PAM: variants seen among roughly 807,000 people sequenced by gnomAD.
PAM encodes peptidyl-glycine alpha-amidating monooxygenase.
A neutral mutation model predicts 122.1 loss-of-function variants in PAM; 72 were observed. The observed-to-expected ratio is 0.59, with a 90% confidence interval of 0.49 to 0.72. The LOEUF (loss-of-function observed/expected upper bound fraction) is 0.72. Ranked by LOEUF, PAM falls within the 30% of genes least tolerant of loss-of-function variation. PAM has a pLI of 0.00. For synonymous variants in PAM, 389 were observed against 404.4 expected, an observed-to-expected ratio of 0.96 and a Z score of 0.46; for missense variants, 1,106 against 1,183.7, an observed-to-expected ratio of 0.93 and a Z score of 0.96.
At chr5:102,759,208 T>C (rs1751596508) in intron 1 of PAM, among the ~76,000 whole-genome samples, 1 of 152,284 alleles carries the variant, frequency 6.6e-6, no homozygotes, top group African/African-American at 2.4e-5. Flanking sequence ...GGGTCCTGGG[T>C]AGGTGAATGT....
At chr5:102,909,545 G>A (rs1331738874) in intron 4 of PAM, among the ~76,000 whole-genome samples, 1 of 151,704 alleles carries the variant, frequency 6.6e-6, no homozygotes. Flanking sequence ...CAGAATTACT[G>A]GTAATTCGCC....
At chr5:102,895,391 C>T (rs530240348) in intron 3 of PAM, among the ~76,000 whole-genome samples, 6 of 151,784 alleles carry the variant, frequency 4.0e-5, no homozygotes, top group South Asian at 2.1e-4. Context: ...TACTTTTGCT[C>T]ACAGTTTTGT....
chr5:102,866,147 C>G lies in PAM; in HGVS notation c.-49C>G, dbSNP rs374916122. On this transcript the variant is annotated 5_prime_UTR_variant, in exon 2 of 26. Coordinates refer to ENST00000438793, the MANE Select transcript of PAM (RefSeq NM_001177306.2). ...GCTGCCCAACCGCCAGCCCCAGCCC[C>G]GCGCTGCGCTGCCCGGTCCTCTCCC... is the stretch of plus-strand genomic sequence containing the variant. The G allele has an allele frequency of 6.4e-4, 873 of 1,360,656 alleles. 1 individual carries two copies. The highest frequency in any genetic ancestry group is 7.2e-4 in the Non-Finnish European group (688 of 958,352). The allele number at this position is 1,360,656 out of a possible 1,614,324, so 84.3% of individuals were successfully genotyped here.
intron 4 of PAM, among the ~76,000 whole-genome samples, chr5:102,908,881 G>A (rs1800517265): frequency 6.6e-6 from 1 of 151,618 alleles, no homozygotes; most frequent in Admixed American, 6.6e-5. Context: ...TTAGCATGCT[G>A]GAAAATAGAC....
chr5:102,998,850 A>C (rs1207826311), intron 16 of PAM, among the ~76,000 whole-genome samples: 2 of 152,190 alleles, frequency 1.3e-5, no homozygotes, highest in Non-Finnish European at 2.9e-5. Context: ...AATGTTTCTG[A>C]ATAATGAGGA....
At chr5:102,812,591 G>A (rs991256868) in intron 1 of PAM, among the ~76,000 whole-genome samples, 9 of 152,196 alleles carry the variant, frequency 5.9e-5, no homozygotes, top group African/African-American at 1.9e-4. Context: ...ACAATGGCTT[G>A]TGAAAATTAC....
chr5:102,835,138 C>T (rs1382185656), intron 1 of PAM, among the ~76,000 whole-genome samples: 1 of 152,050 alleles, frequency 6.6e-6, no homozygotes, highest in African/African-American at 2.4e-5. Flanking sequence ...ATGTATATAG[C>T]ATTTTGTAGT....
intron 5 of PAM, among the ~76,000 whole-genome samples, chr5:102,915,961 A>G (rs1393672932): frequency 6.6e-6 from 1 of 152,176 alleles, no homozygotes; most frequent in East Asian, 1.9e-4. Flanking sequence ...TTGGGGAATA[A>G]GAAGTTTCAA....
chr5:102,996,389 G>C (rs1179261965), intron 16 of PAM, among the ~76,000 whole-genome samples: 1 of 152,160 alleles, frequency 6.6e-6, no homozygotes, highest in Non-Finnish European at 1.5e-5. Flanking sequence ...AGCTGCTTTA[G>C]AAAACTAAAT....
intron 8 of PAM, among the ~76,000 whole-genome samples, chr5:102,947,976 C>T (rs928805351): frequency 9.9e-5 from 15 of 152,160 alleles, no homozygotes; most frequent in African/African-American, 3.6e-4. Context: ...AGGCAGAATC[C>T]TTTCCTTTTG....
intron 1 of PAM, among the ~76,000 whole-genome samples, chr5:102,768,285 A>G (rs561443591): frequency 1.3e-4 from 20 of 152,250 alleles, no homozygotes; most frequent in African/African-American, 4.6e-4. Context: ...GGCATACCAT[A>G]TGTAATCATC....
chr5:102,958,569 T>G (rs930516065), intron 12 of PAM, among the ~76,000 whole-genome samples: 1 of 152,152 alleles, frequency 6.6e-6, no homozygotes, highest in Non-Finnish European at 1.5e-5. Context: ...TTGTTTGGCT[T>G]TGCACTTCAC....
intron 9 of PAM, among the ~76,000 whole-genome samples, chr5:102,948,651 G>A (rs528513912): frequency 3.4e-4 from 52 of 152,008 alleles, no homozygotes; most frequent in Admixed American, 1.1e-3. Flanking sequence ...TCTTTATTGA[G>A]ATGCTAGGAA....
chr5:102,955,385 G>A (rs1225044234), intron 12 of PAM, among the ~76,000 whole-genome samples: 1 of 151,956 alleles, frequency 6.6e-6, no homozygotes, highest in African/African-American at 2.4e-5. Flanking sequence ...GATCAATTGA[G>A]TACAAAAATT....
chr5:102,834,852 A>C lies in PAM; in HGVS notation c.-373-30971A>C, dbSNP rs927143308. Among the ~76,000 whole-genome samples, 65 of 151,568 alleles carry C rather than the reference A, an allele frequency of 4.3e-4. 1 individual carries two copies. The highest frequency in any genetic ancestry group is 1.6e-3 in the African/African-American group (64 of 40,952). On this transcript the variant is annotated intron_variant, in intron 1 of 25. Coordinates refer to ENST00000438793, the MANE Select transcript of PAM (RefSeq NM_001177306.2). ...CTTTTGACTGCTGTGTATTGAGAAC[A>C]GATTGTAAGGTACCAACGGCAAATC...
intron 14 of PAM, among the ~76,000 whole-genome samples, chr5:102,962,634 T>C (rs1269743995): frequency 1.3e-5 from 2 of 151,772 alleles, no homozygotes; most frequent in Admixed American, 6.6e-5. Flanking sequence ...TTGAAGTTAG[T>C]CAAGTTGATC....
intron 3 of PAM, among the ~76,000 whole-genome samples, chr5:102,890,171 T>C (rs1581379355): frequency 6.6e-6 from 1 of 152,000 alleles, no homozygotes; most frequent in East Asian, 2.0e-4. Flanking sequence ...TTTGTGCTGG[T>C]GCATCTAGAG....
chr5:102,928,250 T>C (rs911908790), intron 7 of PAM, among the ~76,000 whole-genome samples: 2 of 152,238 alleles, frequency 1.3e-5, no homozygotes, highest in South Asian at 4.1e-4. Flanking sequence ...AGATACTGCA[T>C]TGATACTCCA....
At chr5:102,851,829 A>G (rs1211841909) in intron 1 of PAM, among the ~76,000 whole-genome samples, 2 of 152,176 alleles carry the variant, frequency 1.3e-5, no homozygotes, top group African/African-American at 4.8e-5. Context: ...TTTTTTTCTT[A>G]ACCTTGTTTT....
Sources: gnomAD v4.1 joint callset for allele counts (sites outside exome capture counted in the v4.1 genomes callset) on GRCh38, gnomAD v4.1.1 for gene constraint, MANE v1.5 for transcripts, NCBI Gene and HGNC (gene_info 2026-07-23, HGNC 2026-07-21) for gene names.